PPP4R1: variants seen among roughly 807,000 people sequenced by gnomAD.
PPP4R1 encodes serine/threonine-protein phosphatase 4 regulatory subunit 1.
PPP4R1 carries 42 observed loss-of-function variants against 111.2 expected under a neutral mutation model. The ratio of observed to expected loss-of-function variants is 0.38; its 90% CI spans 0.29 to 0.49. The LOEUF (loss-of-function observed/expected upper bound fraction) is 0.49, where lower values mean the gene tolerates loss of function less well. PPP4R1 is among the 20% of genes least tolerant of loss of function. The pLI is 0.97. For missense variants in PPP4R1, 1,012 were observed against 1,161.6 expected (o/e 0.87, Z 1.87); for synonymous variants, 409 against 405.5 (o/e 1.01, Z -0.10).
At chr18:9,612,104 C>T (rs1302040475) in intron 2 of PPP4R1, among the ~76,000 whole-genome samples, 1 of 152,178 alleles carries the variant, frequency 6.6e-6, no homozygotes, top group Non-Finnish European at 1.5e-5. Context: ...CTTCTCTGCT[C>T]TTCTTTTAAG....
intron 14 of PPP4R1, among the ~76,000 whole-genome samples, chr18:9,557,925 G>A (rs1006536154): frequency 1.3e-5 from 2 of 152,158 alleles, no homozygotes; most frequent in Admixed American, 6.5e-5. Context: ...TTCCTGTACA[G>A]CCAAACCTTG....
intron 10 of PPP4R1, among the ~76,000 whole-genome samples, chr18:9,573,805 T>C (rs994539692): frequency 3.9e-5 from 6 of 152,152 alleles, no homozygotes; most frequent in Non-Finnish European, 8.8e-5. Flanking sequence ...TATTCTCAGC[T>C]GCAAAAATGA....
intron 16 of PPP4R1, chr18:9,551,962 A>G (rs543495513): frequency 2.0e-5 from 3 of 152,472 alleles, no homozygotes; most frequent in Admixed American, 2.0e-4. Flanking sequence ...GCAATCACAA[A>G]ACGCAAACCC....
At position 9,567,138 on chromosome 18, in the gene PPP4R1, C is replaced by T. The variant is rs540043630; in HGVS notation, c.1573+3019G>A. ...TGGAAAGGATTCACCACTCTAGATG[C>T]CATTAGGAGCATTCACGATTCATGG... On this transcript the variant is annotated intron_variant, in intron 11 of 19. Transcript: ENST00000400556. Among the ~76,000 whole-genome samples, 7 of 152,272 alleles carry T rather than the reference C, an allele frequency of 4.6e-5. No homozygotes were observed. The South Asian group carries it at 1.2e-3, about 27-fold the overall frequency.
intron 9 of PPP4R1, among the ~76,000 whole-genome samples, chr18:9,582,702 A>G (rs1040965636): frequency 1.3e-5 from 2 of 152,188 alleles, no homozygotes; most frequent in African/African-American, 4.8e-5. Context: ...CTGACAACAA[A>G]CCAGACAAAG....
chr18:9,553,476 TTTACTA>T (rs2066521126), intron 15 of PPP4R1, 54 bp from the exon 16 acceptor site: 1 of 1,209,146 alleles, frequency 8.3e-7, no homozygotes, highest in African/African-American at 1.5e-5. Flanking sequence ...CAGTATTTCT[TTTACTA>T]GAGTGCTTAA....
At position 9,583,127 on chromosome 18, in the gene PPP4R1, G is replaced by A. The variant is rs1422763350; in HGVS notation, c.908C>T (p.Pro303Leu). The A allele has an allele frequency of 1.9e-6, 3 of 1,607,820 alleles. No homozygotes were observed. ...SALFINLISD[P>L]SRWVRQAAFQ... The stretch of plus-strand genomic sequence containing the variant: ...TAATCAAAACCCTACCCAACGTGAA[G>A]GATCACTGATCAAATTAATAAAAAG... The change falls in exon 9 of 20, where the codon CCT becomes CTT. Residue 303 changes from proline (P) to leucine (L), a missense_variant. Transcript: ENST00000400556.
intron 11 of PPP4R1, among the ~76,000 whole-genome samples, chr18:9,566,620 C>T (rs1432265533): frequency 2.0e-5 from 3 of 151,178 alleles, no homozygotes; most frequent in Non-Finnish European, 4.4e-5. Flanking sequence ...CACTGCACTC[C>T]AGCCTGGGTG....
chr18:9,573,369 AAGAGTTC>A (rs2066890373), intron 10 of PPP4R1, among the ~76,000 whole-genome samples: 1 of 152,212 alleles, frequency 6.6e-6, no homozygotes, highest in African/African-American at 2.4e-5. Flanking sequence ...CTTATTCTCA[AAGAGTTC>A]AGAAAAAAAG....
At chr18:9,550,607 AGAGT>A (rs2066474012) in intron 16 of PPP4R1, 1 of 575,334 alleles carries the variant, frequency 1.7e-6, no homozygotes, top group African/African-American at 1.9e-5. Context: ...CAAGTTCCTT[AGAGT>A]GTAAGGAAAA....
chr18:9,610,319 C>G (rs569325814), intron 2 of PPP4R1, among the ~76,000 whole-genome samples: 9 of 152,166 alleles, frequency 5.9e-5, no homozygotes, highest in African/African-American at 1.7e-4. Flanking sequence ...AAAGGGTTTA[C>G]CCAACTCTGA....
intron 5 of PPP4R1, 43 bp from the exon 6 acceptor site, chr18:9,588,278 T>C (rs983067859): frequency 6.4e-7 from 1 of 1,571,830 alleles, no homozygotes; most frequent in Non-Finnish European, 8.7e-7. Context: ...ATATGCAACA[T>C]GACAAAATTC....
intron 6 of PPP4R1, among the ~76,000 whole-genome samples, chr18:9,585,256 A>G (rs142416500): frequency 4.1e-4 from 63 of 152,306 alleles, no homozygotes; most frequent in Non-Finnish European, 7.2e-4. Context: ...TAGATTTAGC[A>G]TATCTGTATT....
At chr18:9,591,384 A>G (rs2067209663) in intron 4 of PPP4R1, among the ~76,000 whole-genome samples, 1 of 152,054 alleles carries the variant, frequency 6.6e-6, no homozygotes, top group African/African-American at 2.4e-5. Context: ...CAGTAAGTGT[A>G]TAACCAGGTA....
chr18:9,596,923 T>C (rs2067299368), intron 2 of PPP4R1, among the ~76,000 whole-genome samples: 1 of 152,186 alleles, frequency 6.6e-6, no homozygotes, highest in African/African-American at 2.4e-5. Flanking sequence ...TGACAAAGGA[T>C]GGATTAACAG....
At chr18:9,612,510 C>A (rs1160497569) in intron 2 of PPP4R1, 1 of 152,230 alleles carries the variant, frequency 6.6e-6, no homozygotes, top group Admixed American at 6.5e-5. Context: ...GCCTTCCCCT[C>A]TACACTGTGC....
chr18:9,564,700 G>T (rs1410924170), intron 11 of PPP4R1, among the ~76,000 whole-genome samples: 1 of 46,904 alleles, frequency 2.1e-5, no homozygotes, highest in Non-Finnish European at 4.8e-5. Context: ...AGTGCATGGT[G>T]TGTGTGTGTG....
At chr18:9,557,563 T>C (rs2066607500) in intron 14 of PPP4R1, among the ~76,000 whole-genome samples, 181 bp from the exon 15 acceptor site, 1 of 152,252 alleles carries the variant, frequency 6.6e-6, no homozygotes. Flanking sequence ...AGAAACATTT[T>C]AAATCCCTGC....
At chr18:9,591,718 G>C (rs1331500951) in intron 4 of PPP4R1, among the ~76,000 whole-genome samples, 1 of 152,078 alleles carries the variant, frequency 6.6e-6, no homozygotes, top group East Asian at 1.9e-4. Context: ...CTATCCAGAG[G>C]TTAGCCTTGG....
Sources: gnomAD v4.1 joint callset for allele counts (sites outside exome capture counted in the v4.1 genomes callset) on GRCh38, gnomAD v4.1.1 for gene constraint, MANE v1.5 for transcripts, NCBI Gene and HGNC (gene_info 2026-07-23, HGNC 2026-07-21) for gene names.